Variants in METTL16 observed in about 807,000 individuals in gnomAD.
METTL16 encodes the protein RNA N(6)-adenosine-methyltransferase METTL16.
In METTL16, 19 loss-of-function variants were observed where a neutral mutation model predicts 57.9. The ratio of observed to expected loss-of-function variants is 0.33; its 90% confidence interval spans 0.23 to 0.48. The LOEUF (loss-of-function observed/expected upper bound fraction) is 0.48. Among genes scored for constraint, METTL16 ranks in the 20% least tolerant of loss-of-function variants. The pLI is 0.99. For missense variants in METTL16, 434 were observed against 691.5 expected, an observed-to-expected ratio of 0.63 and a Z score of 4.18; for synonymous variants, 246 against 255.6, an observed-to-expected ratio of 0.96 and a Z score of 0.36.
In METTL16 at chr17:2,496,556, C is replaced by T. The variant is rs191199387; in HGVS notation, c.128+5648G>A. Among the ~76,000 whole-genome samples the T allele has an allele frequency of 3.4e-3, 512 of 151,824 alleles. 12 individuals carry two copies. Among genetic ancestry groups the T allele is most frequent in the Non-Finnish European group, 6.6e-4 (45 of 67,990 alleles). On this transcript the variant is annotated intron_variant, in intron 2 of 9. Transcript: ENST00000263092. ...ATCCACATAATTTTCCATTTTGATG[C>T]TTTTTGCCTTCTTTTCTACTTTATT...
intron 1 of METTL16, among the ~76,000 whole-genome samples, chr17:2,507,438 G>A (rs1324743855): frequency 4.0e-5 from 6 of 148,452 alleles, no homozygotes; most frequent in African/African-American, 7.4e-5. Flanking sequence ...GCCTCTGCCC[G>A]GCCGCCCCTA....
chr17:2,498,627 T>A (rs535753076), intron 2 of METTL16, among the ~76,000 whole-genome samples: 2 of 151,308 alleles, frequency 1.3e-5, no homozygotes, highest in East Asian at 1.9e-4. Context: ...TAATCCCAGC[T>A]ACTCAGGAGG....
intron 8 of METTL16, among the ~76,000 whole-genome samples, chr17:2,429,371 A>G (rs1192175822): frequency 6.6e-6 from 1 of 150,476 alleles, no homozygotes; most frequent in Non-Finnish European, 1.5e-5. Flanking sequence ...TATTTTTAAT[A>G]GAGACGGGGA....
In METTL16 at chr17:2,419,944, CA is replaced by C. The variant is rs2066747756; in HGVS notation, c.*25del. On this transcript the variant is annotated 3_prime_UTR_variant, in exon 10 of 10. Coordinates refer to ENST00000263092, the MANE Select transcript of METTL16 (RefSeq NM_024086.4). ...CCACTCCAAAGCAAGTTACTATCAACACGTTTCCAACTGTGCAGGAGGTTTC... is the reference window on the plus strand; with the variant it reads ...CCACTCCAAAGCAAGTTACTATCAACCGTTTCCAACTGTGCAGGAGGTTTC... The C allele has an allele frequency of 6.2e-7, 1 of 1,609,516 alleles. No homozygotes were observed. Among genetic ancestry groups the C allele is most frequent in the Admixed American group, 1.7e-5 (1 of 59,822 alleles).
At chr17:2,445,130 G>A (rs2066985242) in intron 6 of METTL16, among the ~76,000 whole-genome samples, 1 of 152,154 alleles carries the variant, frequency 6.6e-6, no homozygotes, top group Admixed American at 6.5e-5. Flanking sequence ...GATTACAGGT[G>A]TAAGCCGCCG....
At chr17:2,444,574 C>T (rs903862521) in intron 6 of METTL16, among the ~76,000 whole-genome samples, 2 of 152,090 alleles carry the variant, frequency 1.3e-5, no homozygotes, top group Admixed American at 6.6e-5. Context: ...CTTAAGTGTA[C>T]GGTGTTTATA....
At chr17:2,490,449 T>A (rs2067379296) in intron 2 of METTL16, among the ~76,000 whole-genome samples, 1 of 152,138 alleles carries the variant, frequency 6.6e-6, no homozygotes, top group South Asian at 2.1e-4. Flanking sequence ...CAAAAATTCC[T>A]ACGTATGAAT....
rs2066733080 is a variant in METTL16 at position 2,417,999 on chromosome 17, G to A, written c.*1971C>T. The stretch of plus-strand genomic sequence containing the variant: ...TAAGGACAGTGGGGTGGTGTGGGCT[G>A]GCACAGCAGAAAATTTCTAGACCAG... On this transcript the variant is annotated 3_prime_UTR_variant, in exon 10 of 10. Coordinates refer to ENST00000263092, the MANE Select transcript of METTL16 (RefSeq NM_024086.4). 1 of 152,160 alleles carries A rather than the reference G, an allele frequency of 6.6e-6. No individual in the cohort carries two copies. The highest frequency in any genetic ancestry group is 2.1e-4 in the South Asian group (1 of 4,820). 9.4% of individuals were successfully genotyped at this position (152,160 alleles called of 1,614,324 possible).
Position 2,438,626 on chromosome 17 carries a change from C to T in METTL16, c.799-428G>A, listed in dbSNP as rs532243832. ...AAGCAATTCTCCTGCCTCAGCCTCC[C>T]GAGTGGCTGGGATTACAGGCGCATG... is the stretch of plus-strand genomic sequence containing the variant. On this transcript the variant is annotated intron_variant, in intron 7 of 9. Coordinates refer to ENST00000263092, the MANE Select transcript of METTL16 (RefSeq NM_024086.4). 3.9e-5 allele frequency among the ~76,000 whole-genome samples: 6 copies of T among 152,238 alleles called. No homozygotes were observed. The South Asian group carries it at 1.0e-3, about 26-fold the overall frequency.
intron 8 of METTL16, among the ~76,000 whole-genome samples, chr17:2,424,577 C>T (rs1205584820): frequency 3.3e-5 from 5 of 152,162 alleles, no homozygotes; most frequent in African/African-American, 1.2e-4. Context: ...TAATGAACTG[C>T]TCTAGCACAC....
chr17:2,423,700 C>A (rs2066786531), intron 8 of METTL16, among the ~76,000 whole-genome samples: 1 of 152,124 alleles, frequency 6.6e-6, no homozygotes. Context: ...AAGGGCAGCA[C>A]TTCCCATCTC....
Position 2,477,723 on chromosome 17 carries a change from A to G in METTL16, c.291T>C (p.Asp97=). ...HWVEDLIGHQ[D]SDKSTLRRGI... ...CTCTTCGGAGAGTACTTTTGTCAGA[A>G]TCCTGGTGACCGATCAGATCTTCTA... The change falls in exon 3 of 10, where the codon GAT becomes GAC. Residue 97 remains aspartate (D), a synonymous_variant. Transcript: ENST00000263092. The G allele has an allele frequency of 6.2e-7, 1 of 1,614,074 alleles. No individual in the cohort carries two copies. Among genetic ancestry groups the G allele is most frequent in the Non-Finnish European group, 8.5e-7 (1 of 1,179,908 alleles).
intron 6 of METTL16, among the ~76,000 whole-genome samples, chr17:2,455,535 G>A (rs1260717092): frequency 6.6e-6 from 1 of 152,132 alleles, no homozygotes; most frequent in South Asian, 2.1e-4. Flanking sequence ...CTAGCTCACC[G>A]TGGCGCAAGC....
intron 8 of METTL16, among the ~76,000 whole-genome samples, chr17:2,423,590 G>T (rs1021311865): frequency 6.6e-6 from 1 of 151,974 alleles, no homozygotes; most frequent in Admixed American, 6.6e-5. Context: ...CCCATTCCCC[G>T]TCCCAACATC....
intron 7 of METTL16, among the ~76,000 whole-genome samples, chr17:2,440,995 AAGAAGAAGAAG>A (rs2066946741): frequency 9.7e-6 from 1 of 102,766 alleles, no homozygotes; most frequent in African/African-American, 7.3e-5. Flanking sequence ...AAAAAAAAAA[AAGAAGAAGAAG>A]AAGAAGAAAA....
intron 4 of METTL16, among the ~76,000 whole-genome samples, chr17:2,472,551 A>G (rs1454045787): frequency 3.3e-5 from 5 of 152,208 alleles, no homozygotes; most frequent in Non-Finnish European, 5.9e-5. Flanking sequence ...GATGTCCTTC[A>G]ATAGGTGAAT....
chr17:2,452,780 G>C (rs757234627), intron 6 of METTL16, among the ~76,000 whole-genome samples: 1 of 152,212 alleles, frequency 6.6e-6, no homozygotes, highest in African/African-American at 2.4e-5. Context: ...ATCAGTTACA[G>C]ACATCAACAT....
intron 6 of METTL16, among the ~76,000 whole-genome samples, chr17:2,461,179 C>A (rs905660727): frequency 1.3e-5 from 2 of 151,982 alleles, no homozygotes; most frequent in Non-Finnish European, 2.9e-5. Context: ...ATGGTGAAAC[C>A]CCAACACTAC....
chr17:2,453,977 C>T (rs1567891564), intron 6 of METTL16, among the ~76,000 whole-genome samples: 1 of 152,096 alleles, frequency 6.6e-6, no homozygotes, highest in Non-Finnish European at 1.5e-5. Flanking sequence ...TATTCATCGG[C>T]ATCCACTCTA....
Sources: allele counts gnomAD v4.1 joint callset (sites outside exome capture counted in the v4.1 genomes callset), GRCh38; gene constraint gnomAD v4.1.1; transcripts MANE v1.5; gene names NCBI Gene and HGNC (gene_info 2026-07-23, HGNC 2026-07-21).